The following POFUT3 variants were observed in gnomAD, a reference collection of about 807,000 sequenced individuals.
The protein encoded by POFUT3 is GDP-fucose protein O-fucosyltransferase 3.
the POFUT3 span, among the ~76,000 whole-genome samples, chr8:33,441,972 C>G: frequency 3.3e-5 from 5 of 152,020 alleles, no homozygotes; most frequent in Non-Finnish European, 7.4e-5. Flanking sequence ...TTTTTTGAGA[C>G]GGAGTCTTGC....
At chr8:33,328,056 T>C in the POFUT3 span, among the ~76,000 whole-genome samples, 5 of 152,238 alleles carry the variant, frequency 3.3e-5, no homozygotes, top group African/African-American at 1.2e-4. Context: ...TCTTCTCATT[T>C]AGTCTTTTAT....
the POFUT3 span, chr8:33,453,416 A>G: frequency 6.2e-7 from 1 of 1,614,038 alleles, no homozygotes; most frequent in South Asian, 1.1e-5. Flanking sequence ...AAATGAATTA[A>G]GATGCGTAGG....
chr8:33,458,765 G>A, the POFUT3 span, among the ~76,000 whole-genome samples: 1 of 151,990 alleles, frequency 6.6e-6, no homozygotes, highest in South Asian at 2.1e-4. Context: ...ACAGAAAGCA[G>A]CAGAAAGCTG....
the POFUT3 span, among the ~76,000 whole-genome samples, chr8:33,385,350 G>A: frequency 2.0e-5 from 3 of 152,200 alleles, no homozygotes; most frequent in East Asian, 1.9e-4. Flanking sequence ...CATTGTGCAA[G>A]CAGGAAAATG....
At chr8:33,400,249 C>T in the POFUT3 span, among the ~76,000 whole-genome samples, 3 of 150,946 alleles carry the variant, frequency 2.0e-5, no homozygotes, top group South Asian at 2.1e-4. Flanking sequence ...GCCAGGAATT[C>T]GAGACCAGCC....
At chr8:33,469,709 G>C in the POFUT3 span, among the ~76,000 whole-genome samples, 407 of 151,886 alleles carry the variant, frequency 2.7e-3, 1 homozygote, top group Admixed American at 4.4e-3. Context: ...TCTACTTGAT[G>C]TAGAAACTAA....
chr8:33,316,029 G>C, the POFUT3 span, among the ~76,000 whole-genome samples: 1 of 152,104 alleles, frequency 6.6e-6, no homozygotes. Context: ...CAAATGTCAA[G>C]AACACCTGGA....
At chr8:33,404,840 C>T in the POFUT3 span, among the ~76,000 whole-genome samples, 2 of 152,094 alleles carry the variant, frequency 1.3e-5, no homozygotes, top group Admixed American at 1.3e-4. Context: ...TGTAACAAAA[C>T]TACACTTGCG....
At chr8:33,427,583 A>G in the POFUT3 span, among the ~76,000 whole-genome samples, 4 of 152,100 alleles carry the variant, frequency 2.6e-5, no homozygotes, top group African/African-American at 7.2e-5. Context: ...CCGTCTCAAA[A>G]AAAAGCAAAA....
At chr8:33,356,685 AT>A in the POFUT3 span, among the ~76,000 whole-genome samples, 1 of 151,532 alleles carries the variant, frequency 6.6e-6, no homozygotes, top group Admixed American at 6.6e-5. Context: ...ATTAGATCCC[AT>A]TTGTCAATTT....
the POFUT3 span, among the ~76,000 whole-genome samples, chr8:33,403,267 T>TGCGC: frequency 3.8e-5 from 5 of 132,534 alleles, no homozygotes; most frequent in African/African-American, 1.4e-4. Flanking sequence ...TTGTATGGTG[T>TGCGC]GTGCGTGTGT....
the POFUT3 span, among the ~76,000 whole-genome samples, chr8:33,415,854 C>A: frequency 1.3e-5 from 2 of 152,166 alleles, no homozygotes; most frequent in African/African-American, 4.8e-5. Flanking sequence ...GGGAAAAAAG[C>A]GGGTTTAATC....
At chr8:33,379,843 A>AAAAAAAATATATATATATATAT in the POFUT3 span, among the ~76,000 whole-genome samples, 3 of 42,494 alleles carry the variant, frequency 7.1e-5, no homozygotes, top group African/African-American at 1.8e-4. Context: ...CTAAAAAAAA[A>AAAAAAAATATATATATATATAT]AAAATATATA....
At chr8:33,386,154 A>T in the POFUT3 span, among the ~76,000 whole-genome samples, 2 of 134,250 alleles carry the variant, frequency 1.5e-5, no homozygotes, top group Non-Finnish European at 3.0e-5. Context: ...ACGCCACTAC[A>T]CTCCAGCCTG....
At chr8:33,430,958 A>C in the POFUT3 span, among the ~76,000 whole-genome samples, 1 of 152,094 alleles carries the variant, frequency 6.6e-6, no homozygotes, top group Non-Finnish European at 1.5e-5. Flanking sequence ...TGTGGCAGAC[A>C]CTAACTCAGA....
At chr8:33,392,221 AT>A in the POFUT3 span, among the ~76,000 whole-genome samples, 2 of 152,160 alleles carry the variant, frequency 1.3e-5, no homozygotes, top group Non-Finnish European at 2.9e-5. Context: ...TCACGCTAAT[AT>A]AGGTTTTCTG....
At chr8:33,308,570 A>G in the POFUT3 span, among the ~76,000 whole-genome samples, 1 of 152,160 alleles carries the variant, frequency 6.6e-6, no homozygotes. Flanking sequence ...TTCAATTTGA[A>G]CTCAATTGAA....
the POFUT3 span, among the ~76,000 whole-genome samples, chr8:33,418,450 G>A: frequency 2.9e-5 from 4 of 136,972 alleles, no homozygotes; most frequent in East Asian, 4.2e-4. Context: ...TTATAGGCAC[G>A]CACCACCACG....
chr8:33,434,323 C>G, the POFUT3 span, among the ~76,000 whole-genome samples: 3 of 152,160 alleles, frequency 2.0e-5, no homozygotes, highest in East Asian at 5.8e-4. Context: ...CTTGCAGGAC[C>G]CTCTTGAATC....
Sources: allele counts gnomAD v4.1 joint callset (sites outside exome capture counted in the v4.1 genomes callset), GRCh38; gene constraint gnomAD v4.1.1; transcripts MANE v1.5; gene names NCBI Gene and HGNC (gene_info 2026-07-23, HGNC 2026-07-21).